The following SLC35G2 variants were observed in gnomAD, a reference collection of about 807,000 sequenced individuals.
The protein encoded by SLC35G2 is transmembrane protein 22.
Under a neutral mutation model 27.2 loss-of-function variants are expected in SLC35G2, and 20 were observed. The ratio of observed to expected loss-of-function variants is 0.74; its 90% confidence interval spans 0.52 to 1.07. SLC35G2 has a LOEUF of 1.07. Ranked by LOEUF, SLC35G2 falls within the 50% of genes least tolerant of loss-of-function variation. The pLI is 0.00. For synonymous variants in SLC35G2, 148 were observed against 165.3 expected (o/e 0.90, Z 0.80); for missense variants, 416 against 493.3 (o/e 0.84, Z 1.48).
At chr3:136,849,653 A>C (rs1937554133) in intron 1 of SLC35G2, among the ~76,000 whole-genome samples, 1 of 151,708 alleles carries the variant, frequency 6.6e-6, no homozygotes, top group South Asian at 2.1e-4. Context: ...CACCACTCCC[A>C]ACTAATTTTC....
At chr3:136,822,338 G>T (rs112723276) in intron 1 of SLC35G2, among the ~76,000 whole-genome samples, 5 of 151,976 alleles carry the variant, frequency 3.3e-5, no homozygotes, top group African/African-American at 9.7e-5. Context: ...ATTGAGTCTT[G>T]CTCTTGTTGC....
intron 1 of SLC35G2, among the ~76,000 whole-genome samples, chr3:136,840,513 C>T (rs1308611293): frequency 6.6e-6 from 1 of 151,064 alleles, no homozygotes; most frequent in Non-Finnish European, 1.5e-5. Context: ...CCCCTCCCTC[C>T]CTTCCTCTCT....
chr3:136,831,705 G>C (rs1442962289), intron 1 of SLC35G2, among the ~76,000 whole-genome samples: 1 of 152,142 alleles, frequency 6.6e-6, no homozygotes, highest in Non-Finnish European at 1.5e-5. Flanking sequence ...TAAACAAATG[G>C]TTTGGAATGT....
chr3:136,836,658 G>C (rs1300900020), intron 1 of SLC35G2, among the ~76,000 whole-genome samples: 1 of 152,126 alleles, frequency 6.6e-6, no homozygotes, highest in Non-Finnish European at 1.5e-5. Context: ...TAAGAAACTT[G>C]GGAGCATCAA....
intron 1 of SLC35G2, among the ~76,000 whole-genome samples, chr3:136,840,389 T>C (rs1937034115): frequency 6.6e-6 from 1 of 152,120 alleles, no homozygotes; most frequent in Non-Finnish European, 1.5e-5. Context: ...AAGAGCATTA[T>C]CACCACTGAC....
intron 1 of SLC35G2, among the ~76,000 whole-genome samples, chr3:136,845,917 G>C (rs372082833): frequency 4.0e-5 from 6 of 151,884 alleles, no homozygotes; most frequent in Admixed American, 1.3e-4. Context: ...AAAAAATTAT[G>C]GTTACTTTTA....
At chr3:136,826,751 C>T (rs929709374) in intron 1 of SLC35G2, among the ~76,000 whole-genome samples, 4 of 152,058 alleles carry the variant, frequency 2.6e-5, no homozygotes, top group African/African-American at 9.7e-5. Flanking sequence ...AATCCTCCCA[C>T]CTCAGCCTCC....
chr3:136,844,984 G>A (rs1416258651), intron 1 of SLC35G2, among the ~76,000 whole-genome samples: 1 of 152,066 alleles, frequency 6.6e-6, no homozygotes, highest in Admixed American at 6.6e-5. Context: ...TCAGAGAGCT[G>A]AAGTTAATGT....
chr3:136,853,207 T>C lies in SLC35G2; in HGVS notation c.-18-1236T>C, dbSNP rs538247400. On this transcript the variant is annotated intron_variant, in intron 1 of 1. Coordinates refer to ENST00000446465, the MANE Select transcript of SLC35G2 (RefSeq NM_025246.3). ...GCTTCCTGAATTCAAGTGATTCTCA[T>C]GCCTCAGCCTCCCGAGTAGCTGGAA... 3.3e-4 allele frequency among the ~76,000 whole-genome samples: 51 copies of C among 152,284 alleles called. No individual in the cohort carries two copies. The East Asian group carries it at 9.5e-3, about 28-fold the overall frequency.
At chr3:136,842,630 A>G (rs904676951) in intron 1 of SLC35G2, 1 of 152,262 alleles carries the variant, frequency 6.6e-6, no homozygotes, top group African/African-American at 2.4e-5. Context: ...GAAATGGTAG[A>G]ATAAATAGCA....
At chr3:136,822,464 G>A (rs900127141) in intron 1 of SLC35G2, among the ~76,000 whole-genome samples, 5 of 152,180 alleles carry the variant, frequency 3.3e-5, no homozygotes, top group South Asian at 2.1e-4. Flanking sequence ...ACAGGTGCCC[G>A]CCACCACACC....
At chr3:136,849,084 C>T (rs760260699) in intron 1 of SLC35G2, among the ~76,000 whole-genome samples, 9 of 151,672 alleles carry the variant, frequency 5.9e-5, no homozygotes, top group Non-Finnish European at 1.3e-4. Context: ...GAGGCTGAGG[C>T]AGGAGAGTCG....
chr3:136,852,817 G>A (rs1937734422), intron 1 of SLC35G2, among the ~76,000 whole-genome samples: 1 of 151,906 alleles, frequency 6.6e-6, no homozygotes. Context: ...TAAGCGGGAG[G>A]AGAGGATCAT....
chr3:136,839,020 C>T (rs982325910), intron 1 of SLC35G2: 16 of 152,126 alleles, frequency 1.1e-4, no homozygotes, highest in Middle Eastern at 3.4e-3. Context: ...ATTCCTGCTT[C>T]TCCCCCTTCT....
intron 1 of SLC35G2, among the ~76,000 whole-genome samples, chr3:136,840,457 T>C (rs568397266): frequency 6.6e-5 from 10 of 152,174 alleles, no homozygotes; most frequent in African/African-American, 2.4e-4. Context: ...TCCATATTCT[T>C]CCCCTGGTTG....
chr3:136,841,462 C>T (rs1937092949), intron 1 of SLC35G2, among the ~76,000 whole-genome samples: 1 of 152,122 alleles, frequency 6.6e-6, no homozygotes, highest in Non-Finnish European at 1.5e-5. Context: ...GACATGGTGG[C>T]TCATGCCTGT....
At chr3:136,834,340 T>C (rs1936809084) in intron 1 of SLC35G2, among the ~76,000 whole-genome samples, 2 of 152,208 alleles carry the variant, frequency 1.3e-5, no homozygotes, top group African/African-American at 4.8e-5. Context: ...GTTTATTATT[T>C]ATTTATTTTT....
chr3:136,832,712 C>CA (rs1215953476), intron 1 of SLC35G2, among the ~76,000 whole-genome samples: 1 of 152,208 alleles, frequency 6.6e-6, no homozygotes, highest in Non-Finnish European at 1.5e-5. Flanking sequence ...AGACTGCCTT[C>CA]ATAGAAACAA....
At chr3:136,835,992 T>G (rs967510717) in intron 1 of SLC35G2, among the ~76,000 whole-genome samples, 2 of 152,144 alleles carry the variant, frequency 1.3e-5, no homozygotes, top group Non-Finnish European at 2.9e-5. Context: ...CATCAGCTGT[T>G]TCTCCACTGA....
Sources: allele counts gnomAD v4.1 joint callset (sites outside exome capture counted in the v4.1 genomes callset), GRCh38; gene constraint gnomAD v4.1.1; transcripts MANE v1.5; gene names NCBI Gene and HGNC (gene_info 2026-07-23, HGNC 2026-07-21).